Variants in HS6ST1 observed in about 807,000 individuals in gnomAD.
The protein encoded by HS6ST1 is heparan sulfate 6-O-sulfotransferase 1, also known as heparan-sulfate 6-O-sulfotransferase 1.
Under a neutral mutation model 25.2 loss-of-function variants are expected in HS6ST1, and 3 were observed. The ratio of observed to expected loss-of-function variants is 0.12; its 90% CI spans 0.05 to 0.31. The LOEUF is 0.31. Among genes scored for constraint, HS6ST1 ranks in the 10% least tolerant of loss-of-function variants. HS6ST1 has a pLI of 1.00. For missense variants in HS6ST1, 310 were observed against 609.6 expected (o/e 0.51, Z 5.18); for synonymous variants, 204 against 275.1 (o/e 0.74, Z 2.56).
chr2:128,307,415 T>G (rs113122768), intron 1 of HS6ST1, among the ~76,000 whole-genome samples: 4 of 152,258 alleles, frequency 2.6e-5, no homozygotes, highest in Admixed American at 6.5e-5. Flanking sequence ...AGCTGGAAGA[T>G]GGGATGTACC....
intron 1 of HS6ST1, among the ~76,000 whole-genome samples, chr2:128,316,033 C>T (rs998532813): frequency 7.2e-5 from 11 of 152,314 alleles, no homozygotes; most frequent in Middle Eastern, 3.4e-3. Context: ...GCTGGCAGCC[C>T]ACCTCCGCCA....
intron 1 of HS6ST1, among the ~76,000 whole-genome samples, chr2:128,287,906 C>T (rs1432016333): frequency 2.0e-5 from 3 of 152,266 alleles, no homozygotes; most frequent in Non-Finnish European, 4.4e-5. Flanking sequence ...GTCATGAAGG[C>T]TGCCCATTCA....
chr2:128,283,688 T>C (rs1223360784), intron 1 of HS6ST1, among the ~76,000 whole-genome samples: 2 of 152,140 alleles, frequency 1.3e-5, no homozygotes, highest in African/African-American at 2.4e-5. Flanking sequence ...TCCCCCATTA[T>C]AGGGATGGCA....
Position 128,267,042 on chromosome 2 carries a change from T to G in HS6ST1, c.*1120A>C, listed in dbSNP as rs1283769549. ...CTGTTTTGCCAAGGCTAGTTGAGAATCTGAAAGCTCGAGTCCCAGTTCCTG... is the reference window on the plus strand; with the variant it reads ...CTGTTTTGCCAAGGCTAGTTGAGAAGCTGAAAGCTCGAGTCCCAGTTCCTG... On this transcript the variant is annotated 3_prime_UTR_variant, in exon 2 of 2. Coordinates refer to ENST00000259241, the MANE Select transcript of HS6ST1 (RefSeq NM_004807.3). 6.6e-6 allele frequency: 1 copy of G among 152,190 alleles called. No homozygotes were observed. Among genetic ancestry groups the G allele is most frequent in the Non-Finnish European group, 1.5e-5 (1 of 68,056 alleles). The allele number at this position is 152,190 out of a possible 1,614,324, so 9.4% of individuals were successfully genotyped here.
chr2:128,292,939 C>G (rs1195207168), intron 1 of HS6ST1, among the ~76,000 whole-genome samples: 1 of 152,124 alleles, frequency 6.6e-6, no homozygotes, highest in Non-Finnish European at 1.5e-5. Flanking sequence ...TCCCACTTGT[C>G]AGCCTCCCCA....
intron 1 of HS6ST1, among the ~76,000 whole-genome samples, chr2:128,292,521 A>T (rs768247697): frequency 8.5e-5 from 13 of 152,192 alleles, no homozygotes; most frequent in Non-Finnish European, 1.3e-4. Context: ...GGAACCAGCC[A>T]GGCATCCCGG....
chr2:128,276,727 G>C (rs1164953615), intron 1 of HS6ST1, among the ~76,000 whole-genome samples: 1 of 152,124 alleles, frequency 6.6e-6, no homozygotes, highest in East Asian at 1.9e-4. Flanking sequence ...GGCCTTCCAG[G>C]TGAACCAGTC....
intron 1 of HS6ST1, among the ~76,000 whole-genome samples, chr2:128,311,506 A>G (rs1285131804): frequency 6.6e-6 from 1 of 152,076 alleles, no homozygotes; most frequent in East Asian, 1.9e-4. Context: ...CCTCAAACCC[A>G]AAGACCCACC....
intron 1 of HS6ST1, among the ~76,000 whole-genome samples, chr2:128,270,408 C>T (rs1306201440): frequency 2.6e-5 from 4 of 152,242 alleles, no homozygotes; most frequent in Non-Finnish European, 5.9e-5. Context: ...ACACCTGGCC[C>T]TCCCCAAGCA....
At chr2:128,290,967 G>A (rs926671629) in intron 1 of HS6ST1, among the ~76,000 whole-genome samples, 1 of 151,942 alleles carries the variant, frequency 6.6e-6, no homozygotes, top group African/African-American at 2.4e-5. Flanking sequence ...GGGCAAAAGA[G>A]TGAAACTGTC....
At position 128,265,674 on chromosome 2, in the gene HS6ST1, G is replaced by A. The variant is rs992753571; in HGVS notation, c.*2488C>T. The A allele has an allele frequency of 2.0e-5, 3 of 152,096 alleles. No individual in the cohort carries two copies. Among genetic ancestry groups the A allele is most frequent in the Non-Finnish European group, 4.4e-5 (3 of 68,020 alleles). 9.4% of individuals were successfully genotyped at this position (152,096 alleles called of 1,614,324 possible). A position where few individuals can be genotyped will look rare whatever the true frequency, so the allele number is the denominator to read the frequency against. ...AACAATCCTGGGTTCAAGTTAAACA[G>A]TTCCAGTTCCCGAAAAGTTCACAGC... On this transcript the variant is annotated 3_prime_UTR_variant, in exon 2 of 2. Transcript: ENST00000259241.
At chr2:128,283,457 T>C (rs1316625472) in intron 1 of HS6ST1, among the ~76,000 whole-genome samples, 5 of 151,944 alleles carry the variant, frequency 3.3e-5, no homozygotes, top group Non-Finnish European at 7.4e-5. Context: ...GGTTTAGGAG[T>C]TACTGTGCAG....
chr2:128,290,149 G>A (rs796491958), intron 1 of HS6ST1: 2 of 151,756 alleles, frequency 1.3e-5, no homozygotes, highest in African/African-American at 2.4e-5. Context: ...AGTGGGTCTC[G>A]GTGAAAGGTA....
At chr2:128,316,143 G>A (rs553251360) in intron 1 of HS6ST1, among the ~76,000 whole-genome samples, 1 of 152,324 alleles carries the variant, frequency 6.6e-6, no homozygotes, top group South Asian at 2.1e-4. Context: ...GGCCCCACCT[G>A]GTCCTCCCAC....
chr2:128,317,183 A>T (rs1207489586), intron 1 of HS6ST1, among the ~76,000 whole-genome samples: 1 of 152,112 alleles, frequency 6.6e-6, no homozygotes, highest in Non-Finnish European at 1.5e-5. Flanking sequence ...TCCCCTACAA[A>T]CGGCTTCCCA....
rs2104909058 is a variant in HS6ST1 at position 128,268,855 on chromosome 2, G to A, written c.543C>T (p.Ile181=). The A allele has an allele frequency of 1.2e-6, 2 of 1,609,190 alleles. No individual in the cohort carries two copies. The highest frequency in any genetic ancestry group is 1.7e-6 in the Non-Finnish European group (2 of 1,179,830). Residue 181 remains isoleucine (I), a synonymous_variant, in exon 2 of 2, where the codon ATC becomes ATT. Coordinates refer to ENST00000259241, the MANE Select transcript of HS6ST1 (RefSeq NM_004807.3). ...GGGACACGGGGTCTCGTAGCAGGGT[G>A]ATGTAGTAGAACTTCCTGCAAGGAG... The part of the protein sequence containing the change: ...ALRTPRKFYY[I]TLLRDPVSRY...
At position 128,268,623 on chromosome 2, in the gene HS6ST1, G is replaced by A. The variant is rs748627606; in HGVS notation, c.775C>T (p.Leu259=). The part of the protein sequence containing the change: ...RQVRMLADLS[L]VGCYNLSFIP... Reference sequence around the variant, plus strand: ...AAGGACAGGTTGTAGCAGCCCACCAGGCTCAGGTCGGCCAGCATGCGCACC... The same window carrying A: ...AAGGACAGGTTGTAGCAGCCCACCAAGCTCAGGTCGGCCAGCATGCGCACC... The change falls in exon 2 of 2, where the codon CTG becomes TTG. Residue 259 remains leucine (L), a synonymous_variant. Coordinates refer to ENST00000259241, the MANE Select transcript of HS6ST1 (RefSeq NM_004807.3). 7 of 1,608,540 alleles carry A rather than the reference G, an allele frequency of 4.4e-6. No homozygotes were observed. In the East Asian group the frequency reaches 1.3e-4, roughly 31 times the overall value.
intron 1 of HS6ST1, among the ~76,000 whole-genome samples, chr2:128,296,350 G>A (rs1403536754): frequency 6.6e-6 from 1 of 152,214 alleles, no homozygotes; most frequent in Non-Finnish European, 1.5e-5. Context: ...AGTACCGGAA[G>A]TTCTAGCCTG....
At chr2:128,286,980 G>A (rs1021564761) in intron 1 of HS6ST1, among the ~76,000 whole-genome samples, 6 of 152,180 alleles carry the variant, frequency 3.9e-5, no homozygotes, top group Non-Finnish European at 5.9e-5. Context: ...TGGGGTGGTC[G>A]GGGAGCAAGT....
Sources: allele counts gnomAD v4.1 joint callset (sites outside exome capture counted in the v4.1 genomes callset), GRCh38; gene constraint gnomAD v4.1.1; transcripts MANE v1.5; gene names NCBI Gene and HGNC (gene_info 2026-07-23, HGNC 2026-07-21).